DNAH5: variants seen among roughly 807,000 people sequenced by gnomAD.
The protein encoded by DNAH5 is axonemal beta dynein heavy chain 5.
DNAH5 carries 372 observed loss-of-function variants against 518.2 expected under a neutral mutation model. The observed-to-expected ratio is 0.72, with a 90% CI of 0.66 to 0.78. The LOEUF is 0.78. Ranked by LOEUF, DNAH5 falls within the 30% of genes least tolerant of loss-of-function variation. DNAH5 has a pLI of 0.00. For missense variants in DNAH5, 5,523 were observed against 5,687.0 expected (o/e 0.97, Z 0.93); for synonymous variants, 2,039 against 2,025.9 (o/e 1.01, Z -0.17).
chr5:13,769,244 G>C (rs879212470), intron 57 of DNAH5, 108 bp from the exon 58 acceptor site: 2 of 879,316 alleles, frequency 2.3e-6, no homozygotes, highest in Non-Finnish European at 3.3e-6. Context: ...ACCCAGTTTT[G>C]TTGTTTTTTT....
rs779603409 is a variant in DNAH5 at position 13,900,434 on chromosome 5, A to G, written c.2053-22T>C. 10 of 1,594,526 alleles carry G rather than the reference A, an allele frequency of 6.3e-6. No individual in the cohort carries two copies. In the African/African-American group the frequency reaches 9.4e-5, roughly 15 times the overall value. On this transcript the variant is annotated intron_variant, in intron 14 of 78. Coordinates refer to ENST00000265104, the MANE Select transcript of DNAH5 (RefSeq NM_001369.3). ...CAATCTGTGGGAAGAAACCAACATC[A>G]TTACTATCAGAAAGTTCAATTCATG...
intron 65 of DNAH5, among the ~76,000 whole-genome samples, chr5:13,749,796 G>A (rs1048737492): frequency 6.6e-6 from 1 of 152,070 alleles, no homozygotes; most frequent in Non-Finnish European, 1.5e-5. Flanking sequence ...TCCCAGTCCC[G>A]CCTGAAGTAA....
rs758247290 is a variant in DNAH5 at position 13,716,715 on chromosome 5, T to C, written c.12706-25A>G. 3.6e-5 allele frequency: 54 copies of C among 1,508,554 alleles called. No individual in the cohort carries two copies. The Admixed American group carries it at 8.4e-4, about 23-fold the overall frequency. The allele number at this position is 1,508,554 out of a possible 1,614,324, so 93.4% of individuals were successfully genotyped here. A position where few individuals can be genotyped will look rare whatever the true frequency, so the allele number is the denominator to read the frequency against. ...CCTGGGAAATTTTATAGAATAATTA[T>C]GTAGAACTGACTACCGTTGCATTAT... On this transcript the variant is annotated intron_variant, in intron 73 of 78. Transcript: ENST00000265104.
chr5:13,892,123 A>G (rs1333966023), intron 16 of DNAH5, among the ~76,000 whole-genome samples: 3 of 152,108 alleles, frequency 2.0e-5, no homozygotes, highest in Non-Finnish European at 4.4e-5. Context: ...TTTCTAAGCT[A>G]ATTATTAAAG....
At position 13,751,105 on chromosome 5, in the gene DNAH5, C is replaced by T; in HGVS notation, c.11184G>A (p.Leu3728=). The T allele has an allele frequency of 6.2e-7, 1 of 1,613,912 alleles. No homozygotes were observed. Among genetic ancestry groups the T allele is most frequent in the Non-Finnish European group, 8.5e-7 (1 of 1,179,884 alleles). Residue 3728 remains leucine, a synonymous_variant, in exon 65 of 79, where the codon CTG becomes CTA. Coordinates refer to ENST00000265104, the MANE Select transcript of DNAH5 (RefSeq NM_001369.3). Reference sequence around the variant, plus strand: ...GCTTCTCTGTGAGAATGACCCTCCCCAGTAACTGATCTTCTAGACCTTTCA... The same window carrying T: ...GCTTCTCTGTGAGAATGACCCTCCCTAGTAACTGATCTTCTAGACCTTTCA... ...VTMKGLEDQL[L]GRVILTEKQE...
intron 15 of DNAH5, 116 bp downstream of exon 15, chr5:13,900,090 G>C (rs1343810096): frequency 1.0e-6 from 1 of 959,006 alleles, no homozygotes; most frequent in Non-Finnish European, 1.6e-6. Context: ...TGTCCCCTCA[G>C]TCACTCCATT....
At chr5:13,788,978 T>G (rs1223159177) in intron 50 of DNAH5, 64 bp from the exon 51 acceptor site, 8 of 1,423,606 alleles carry the variant, frequency 5.6e-6, no homozygotes, top group Non-Finnish European at 7.9e-6. Flanking sequence ...GAATTCAGGT[T>G]GACAGTACTG....
At chr5:13,872,245 G>A (rs1343415308) in intron 22 of DNAH5, among the ~76,000 whole-genome samples, 1 of 152,180 alleles carries the variant, frequency 6.6e-6, no homozygotes, top group African/African-American at 2.4e-5. Context: ...TCAGATAGGT[G>A]GAGGGAATGG....
At chr5:13,853,238 T>C (rs1035427583) in intron 30 of DNAH5, among the ~76,000 whole-genome samples, 3 of 152,164 alleles carry the variant, frequency 2.0e-5, no homozygotes, top group East Asian at 3.9e-4. Context: ...AGGGTCTGGA[T>C]TGGAACCCCA....
At chr5:13,988,362 T>C (rs1367147182) in intron 1 of DNAH5, among the ~76,000 whole-genome samples, 1 of 152,088 alleles carries the variant, frequency 6.6e-6, no homozygotes, top group African/African-American at 2.4e-5. Flanking sequence ...GTACTTTAAT[T>C]GGAAGGAATT....
intron 1 of DNAH5, among the ~76,000 whole-genome samples, chr5:13,940,781 T>C (rs1560977941): frequency 1.3e-5 from 2 of 152,192 alleles, no homozygotes; most frequent in East Asian, 1.9e-4. Context: ...TTTTGGGATC[T>C]TCTAACTCTA....
chr5:13,868,421 C>T (rs973628618), intron 24 of DNAH5, among the ~76,000 whole-genome samples: 3 of 152,166 alleles, frequency 2.0e-5, no homozygotes, highest in South Asian at 2.1e-4. Flanking sequence ...TCTTATTTCA[C>T]GTGATCGATA....
At chr5:13,732,360 G>T (rs534710144) in intron 68 of DNAH5, among the ~76,000 whole-genome samples, 1 of 152,110 alleles carries the variant, frequency 6.6e-6, no homozygotes, top group South Asian at 2.1e-4. Context: ...AGGAGCTGGG[G>T]TCTCTCTTGA....
chr5:13,866,327 T>A, intron 25 of DNAH5, 45 bp from the exon 26 acceptor site: 2 of 1,528,720 alleles, frequency 1.3e-6, no homozygotes, highest in South Asian at 1.2e-5. Flanking sequence ...AGTGTTTGCA[T>A]ATAAATTTCA....
intron 52 of DNAH5, among the ~76,000 whole-genome samples, chr5:13,784,916 T>C (rs1036082573): frequency 6.6e-6 from 1 of 152,096 alleles, no homozygotes; most frequent in African/African-American, 2.4e-5. Context: ...ATGACTCATA[T>C]CAGCAGTCCC....
Position 13,878,026 on chromosome 5 carries a change from G to A in DNAH5, c.3263-1209C>T, listed in dbSNP as rs536570742. On this transcript the variant is annotated intron_variant, in intron 21 of 78. Coordinates refer to ENST00000265104, the MANE Select transcript of DNAH5 (RefSeq NM_001369.3). ...CTACATTCTAAAACTCCTATCTCTG[G>A]GAGCAGACGGGACTGGCATTTGTGT... Among the ~76,000 whole-genome samples the A allele has an allele frequency of 1.6e-4, 24 of 152,224 alleles. 2 individuals are homozygous for A. In the South Asian group the frequency reaches 4.4e-3, roughly 28 times the overall value.
rs745901461 is a variant in DNAH5 at position 13,913,770 on chromosome 5, C to A, written c.1509G>T (p.Gly503=). Residue 503 remains glycine, a synonymous_variant, in exon 11 of 79, where the codon GGG becomes GGT. Transcript: ENST00000265104. ...GGTATTTAGTGGCCATGTCTTCCAG[C>A]CCTTCAATTGTGGAATCTTGCAGGA... ...YSVLQDSTIE[G]LEDMATKYQG... The A allele has an allele frequency of 1.4e-5, 23 of 1,613,376 alleles. No individual in the cohort carries two copies. The African/African-American group carries it at 1.7e-4, about 12-fold the overall frequency.
At chr5:13,738,685 C>T (rs540677835) in intron 65 of DNAH5, among the ~76,000 whole-genome samples, 1 of 152,044 alleles carries the variant, frequency 6.6e-6, no homozygotes, top group African/African-American at 2.4e-5. Flanking sequence ...AGGAGAAATA[C>T]GTGTGACACC....
At chr5:13,930,470 C>CTTCT (rs1420070424) in intron 2 of DNAH5, among the ~76,000 whole-genome samples, 1 of 152,140 alleles carries the variant, frequency 6.6e-6, no homozygotes, top group Non-Finnish European at 1.5e-5. Flanking sequence ...AAGGGCTTGT[C>CTTCT]TTCTTTCTTT....
Sources: gnomAD v4.1 joint callset for allele counts (sites outside exome capture counted in the v4.1 genomes callset) on GRCh38, gnomAD v4.1.1 for gene constraint, MANE v1.5 for transcripts, NCBI Gene and HGNC (gene_info 2026-07-23, HGNC 2026-07-21) for gene names.